UGT2A2: variants seen among roughly 807,000 people sequenced by gnomAD.
UGT2A2 encodes the protein UDP glucuronosyltransferase family 2 member A2.
UGT2A2 carries 60 observed loss-of-function variants against 50.7 expected under a neutral mutation model. That is an observed-to-expected ratio of 1.18 (90% CI 0.96 to 1.47). The LOEUF is 1.47. Among genes scored for constraint, UGT2A2 ranks in the 40% most tolerant of loss-of-function variants. The pLI is 0.00. For synonymous variants in UGT2A2, 242 were observed against 214.6 expected (o/e 1.13, Z -1.11); for missense variants, 762 against 634.0 (o/e 1.20, Z -2.17).
chr4:69,618,170 T>C (rs1374571604), intron 1 of UGT2A2, among the ~76,000 whole-genome samples: 1 of 150,470 alleles, frequency 6.6e-6, no homozygotes, highest in Non-Finnish European at 1.5e-5. Context: ...ATTTCACAGA[T>C]AAATAGGCCA....
intron 1 of UGT2A2, among the ~76,000 whole-genome samples, chr4:69,638,213 T>C (rs577143734): frequency 6.6e-6 from 1 of 151,884 alleles, no homozygotes; most frequent in South Asian, 2.1e-4. Flanking sequence ...GGCAAAATCA[T>C]CAAGAGAGAA....
At chr4:69,623,664 A>G (rs1248143078) in intron 1 of UGT2A2, among the ~76,000 whole-genome samples, 1 of 151,434 alleles carries the variant, frequency 6.6e-6, no homozygotes, top group East Asian at 1.9e-4. Flanking sequence ...GGTATAAAAA[A>G]TTCTATAGTA....
intron 1 of UGT2A2, among the ~76,000 whole-genome samples, chr4:69,627,699 A>G (rs1560486959): frequency 6.6e-6 from 1 of 151,946 alleles, no homozygotes; most frequent in Non-Finnish European, 1.5e-5. Flanking sequence ...AAGGTTCATA[A>G]ACACTCATGA....
chr4:69,620,654 C>T (rs1185044059), intron 1 of UGT2A2, among the ~76,000 whole-genome samples: 1 of 122,758 alleles, frequency 8.1e-6, no homozygotes, highest in Non-Finnish European at 1.7e-5. Flanking sequence ...ATATATGGAA[C>T]CAAAAAAAAA....
chr4:69,589,348 T>C lies in UGT2A2; in HGVS notation c.*24A>G, dbSNP rs764039351. 3.2e-6 allele frequency: 5 copies of C among 1,580,476 alleles called. No individual in the cohort carries two copies. The Admixed American group carries it at 5.5e-5, about 17-fold the overall frequency. On this transcript the variant is annotated 3_prime_UTR_variant, in exon 6 of 6. Coordinates refer to ENST00000604629, the MANE Select transcript of UGT2A2 (RefSeq NM_001105677.2). ...CAGGATTTTGCCAAACTTAAAAATA[T>C]ATATATTTCCTCTTTTTCTTGACCT...
chr4:69,625,826 G>A (rs1321716109), intron 1 of UGT2A2, among the ~76,000 whole-genome samples: 2 of 151,458 alleles, frequency 1.3e-5, no homozygotes, highest in Non-Finnish European at 3.0e-5. Context: ...AAATTAATTA[G>A]TCTTGTAAGT....
At chr4:69,603,530 G>C (rs1366531929) in intron 1 of UGT2A2, 1 of 136,920 alleles carries the variant, frequency 7.3e-6, no homozygotes, top group Non-Finnish European at 1.6e-5. Context: ...CCAAAGGAAA[G>C]CAGCTCCTCA....
intron 1 of UGT2A2, among the ~76,000 whole-genome samples, chr4:69,626,116 T>A (rs1001474332): frequency 6.6e-6 from 1 of 151,482 alleles, no homozygotes; most frequent in African/African-American, 2.4e-5. Context: ...ACTTCATAAC[T>A]TTTTTTTCTG....
At chr4:69,610,128 G>T (rs1440863493) in intron 1 of UGT2A2, among the ~76,000 whole-genome samples, 2 of 152,138 alleles carry the variant, frequency 1.3e-5, no homozygotes, top group Admixed American at 6.6e-5. Flanking sequence ...TAGCAAAGTT[G>T]ATATAGTTTC....
chr4:69,618,205 G>GTATGTT (rs1553905687), intron 1 of UGT2A2, among the ~76,000 whole-genome samples: 4 of 87,894 alleles, frequency 4.6e-5, no homozygotes, highest in African/African-American at 1.8e-4. Context: ...GTGTGTGTGT[G>GTATGTT]TGTGTGTGTG....
At chr4:69,610,024 T>C (rs1244807104) in intron 1 of UGT2A2, among the ~76,000 whole-genome samples, 1 of 152,056 alleles carries the variant, frequency 6.6e-6, no homozygotes, top group Admixed American at 6.6e-5. Flanking sequence ...ACCTATAAAG[T>C]TTTTAAAGAG....
In UGT2A2 at chr4:69,607,636, T is replaced by C. The variant is rs1719730515; in HGVS notation, c.743-8242A>G. ...CTACCATCAGAGTGAACAGGCAACC[T>C]ACAGAATGGGAGAAAATTTTTGCAA... On this transcript the variant is annotated intron_variant, in intron 1 of 5. Coordinates refer to ENST00000604629, the MANE Select transcript of UGT2A2 (RefSeq NM_001105677.2). 2.0e-5 allele frequency among the ~76,000 whole-genome samples: 3 copies of C among 152,226 alleles called. No individual in the cohort carries two copies. In the South Asian group the frequency reaches 6.2e-4, roughly 32 times the overall value.
At chr4:69,598,361 A>G (rs909742694) in intron 2 of UGT2A2, among the ~76,000 whole-genome samples, 1 of 152,148 alleles carries the variant, frequency 6.6e-6, no homozygotes, top group Non-Finnish European at 1.5e-5. Flanking sequence ...AGTTAAATAC[A>G]TTGTTCCTAC....
chr4:69,596,444 T>A, intron 2 of UGT2A2, 63 bp from the exon 3 acceptor site: 1 of 1,420,982 alleles, frequency 7.0e-7, no homozygotes, highest in Non-Finnish European at 9.3e-7. Context: ...TAAGTTTACT[T>A]ACACATTTAA....
At chr4:69,618,178 C>A (rs1720510680) in intron 1 of UGT2A2, among the ~76,000 whole-genome samples, 1 of 143,100 alleles carries the variant, frequency 7.0e-6, no homozygotes, top group African/African-American at 2.6e-5. Context: ...GATAAATAGG[C>A]CAGTAAGCAT....
At chr4:69,624,346 CCTTTTT>C (rs1720917934) in intron 1 of UGT2A2, among the ~76,000 whole-genome samples, 1 of 151,264 alleles carries the variant, frequency 6.6e-6, no homozygotes, top group Admixed American at 6.6e-5. Flanking sequence ...TTATTTTTCA[CCTTTTT>C]CTTTATGAGT....
chr4:69,610,297 A>G (rs1719958106), intron 1 of UGT2A2, among the ~76,000 whole-genome samples: 1 of 152,110 alleles, frequency 6.6e-6, no homozygotes, highest in African/African-American at 2.4e-5. Flanking sequence ...AGTATGAAGC[A>G]CCCTAAAATT....
intron 1 of UGT2A2, among the ~76,000 whole-genome samples, chr4:69,619,639 A>T (rs1720625957): frequency 6.6e-6 from 1 of 151,980 alleles, no homozygotes; most frequent in Non-Finnish European, 1.5e-5. Context: ...AAAACCTGTG[A>T]TAAAAAATAA....
At chr4:69,625,056 C>A (rs1720964906) in intron 1 of UGT2A2, among the ~76,000 whole-genome samples, 1 of 150,990 alleles carries the variant, frequency 6.6e-6, no homozygotes, top group East Asian at 1.9e-4. Flanking sequence ...ATTAAATTTG[C>A]TGGGAATATA....
Sources: allele counts gnomAD v4.1 joint callset (sites outside exome capture counted in the v4.1 genomes callset), GRCh38; gene constraint gnomAD v4.1.1; transcripts MANE v1.5; gene names NCBI Gene and HGNC (gene_info 2026-07-23, HGNC 2026-07-21).